The following SESTD1 variants were observed in gnomAD, a reference collection of about 807,000 sequenced individuals.
The protein encoded by SESTD1 is SEC14 and spectrin domain containing 1.
A neutral mutation model predicts 101.7 loss-of-function variants in SESTD1; 43 were observed. That is an observed-to-expected ratio of 0.42 (90% CI 0.33 to 0.55). SESTD1 has a LOEUF of 0.55. SESTD1 is among the 20% of genes least tolerant of loss of function. The pLI, the probability that SESTD1 is intolerant of heterozygous loss-of-function variation, is 0.07. For synonymous variants in SESTD1, 283 were observed against 286.8 expected (o/e 0.99, Z 0.13); for missense variants, 647 against 815.1 (o/e 0.79, Z 2.51).
At position 179,206,884 on chromosome 2, in the gene SESTD1, C is replaced by T. The variant is rs1438507267; in HGVS notation, c.-25-15018G>A. Among the ~76,000 whole-genome samples, 2 of 133,658 alleles carry T rather than the reference C, an allele frequency of 1.5e-5. 1 individual carries two copies. The highest frequency in any genetic ancestry group is 1.5e-4 in the Admixed American group (2 of 13,748). 87.7% of individuals were successfully genotyped at this position (133,658 alleles called of 152,430 possible). ...TGGTGGGGGCAAGGTGGGAGTGAGACTGGCCTTGCTGACTCTATGGGAGCT... is the reference window on the plus strand; with the variant it reads ...TGGTGGGGGCAAGGTGGGAGTGAGATTGGCCTTGCTGACTCTATGGGAGCT... On this transcript the variant is annotated intron_variant, in intron 1 of 17. Coordinates refer to ENST00000428443, the MANE Select transcript of SESTD1 (RefSeq NM_178123.5).
In SESTD1 at chr2:179,103,890, G is replaced by A. The variant is rs551196727; in HGVS notation, c.*6009C>T. 3.3e-5 allele frequency: 5 copies of A among 152,014 alleles called. No individual in the cohort carries two copies. Among genetic ancestry groups the A allele is most frequent in the Non-Finnish European group, 7.4e-5 (5 of 67,998 alleles). 9.4% of individuals were successfully genotyped at this position (152,014 alleles called of 1,614,324 possible). On this transcript the variant is annotated 3_prime_UTR_variant, in exon 18 of 18. Coordinates refer to ENST00000428443, the MANE Select transcript of SESTD1 (RefSeq NM_178123.5). Reference sequence around the variant, plus strand: ...TTGCATGCTAATTTTATGTAAAAAAGCCAACAATGAACTCTAGTTAATGAT... The same window carrying A: ...TTGCATGCTAATTTTATGTAAAAAAACCAACAATGAACTCTAGTTAATGAT...
chr2:179,171,900 T>C (rs1348077798), intron 5 of SESTD1, among the ~76,000 whole-genome samples: 1 of 152,140 alleles, frequency 6.6e-6, no homozygotes, highest in East Asian at 1.9e-4. Context: ...AATGATACAA[T>C]TGAAAATGGA....
intron 1 of SESTD1, among the ~76,000 whole-genome samples, chr2:179,217,088 C>A (rs1227538992): frequency 1.3e-5 from 2 of 152,046 alleles, no homozygotes; most frequent in African/African-American, 4.8e-5. Flanking sequence ...GACTTCATGA[C>A]TAAAACACCA....
intron 16 of SESTD1, among the ~76,000 whole-genome samples, chr2:179,114,420 A>T (rs77337809): frequency 0.055 from 8,434 of 152,266 alleles, 322 homozygotes; most frequent in South Asian, 0.14. Flanking sequence ...CTACATAATA[A>T]AGTTCCTTTT....
At chr2:179,199,317 C>T (rs557857456) in intron 1 of SESTD1, among the ~76,000 whole-genome samples, 5 of 152,058 alleles carry the variant, frequency 3.3e-5, no homozygotes, top group Admixed American at 6.5e-5. Context: ...TATTCAATAG[C>T]TTACCAACCA....
chr2:179,139,793 T>A (rs1445301311), intron 9 of SESTD1, among the ~76,000 whole-genome samples: 1 of 152,036 alleles, frequency 6.6e-6, no homozygotes, highest in African/African-American at 2.4e-5. Flanking sequence ...ACAACCCCAA[T>A]TTTCCAGCCC....
chr2:179,124,015 C>T (rs2044812662), intron 11 of SESTD1, among the ~76,000 whole-genome samples, 186 bp from the exon 12 acceptor site: 1 of 152,058 alleles, frequency 6.6e-6, no homozygotes, highest in African/African-American at 2.4e-5. Flanking sequence ...GATGCATGCA[C>T]CAGGAAGACA....
chr2:179,240,790 C>T (rs758993206), intron 1 of SESTD1, among the ~76,000 whole-genome samples: 2 of 152,040 alleles, frequency 1.3e-5, no homozygotes, highest in African/African-American at 4.8e-5. Context: ...TGAGAGAAAG[C>T]CAAGTAGGGA....
At chr2:179,199,484 C>A (rs1487068951) in intron 1 of SESTD1, among the ~76,000 whole-genome samples, 1 of 152,160 alleles carries the variant, frequency 6.6e-6, no homozygotes, top group South Asian at 2.1e-4. Flanking sequence ...ATACCAAAGC[C>A]AGGCAGAGAC....
chr2:179,116,935 G>GATAATT, intron 14 of SESTD1, 145 bp from the exon 15 acceptor site: 1 of 1,129,484 alleles, frequency 8.9e-7, no homozygotes, highest in Non-Finnish European at 1.2e-6. Flanking sequence ...TTCATTCAAT[G>GATAATT]ATAAGCTACA....
chr2:179,113,856 A>G (rs2044567582), intron 16 of SESTD1, among the ~76,000 whole-genome samples: 1 of 144,344 alleles, frequency 6.9e-6, no homozygotes, highest in Admixed American at 6.8e-5. Context: ...ACAGAGTGAG[A>G]CTCTGTCTCA....
Position 179,213,376 on chromosome 2 carries a change from A to C in SESTD1, c.-25-21510T>G, listed in dbSNP as rs1263370304. Among the ~76,000 whole-genome samples, 2 of 135,162 alleles carry C rather than the reference A, an allele frequency of 1.5e-5. 1 individual carries two copies. The highest frequency in any genetic ancestry group is 5.8e-5 in the African/African-American group (2 of 34,190). 88.7% of individuals were successfully genotyped at this position (135,162 alleles called of 152,430 possible). A position where few individuals can be genotyped will look rare whatever the true frequency, so the allele number is the denominator to read the frequency against. On this transcript the variant is annotated intron_variant, in intron 1 of 17. Transcript: ENST00000428443. ...GGCACAAGCTTCAATAGCCGATTCG[A>C]TCAAGTGGAAGAAAGGATATCAGTG...
intron 1 of SESTD1, among the ~76,000 whole-genome samples, chr2:179,258,563 C>A (rs1039694744): frequency 1.3e-5 from 2 of 152,326 alleles, no homozygotes; most frequent in Admixed American, 1.3e-4. Flanking sequence ...TGCAAATCTA[C>A]TAGAAGGCAA....
intron 1 of SESTD1, among the ~76,000 whole-genome samples, chr2:179,263,220 T>C (rs2047507405): frequency 6.6e-6 from 1 of 152,170 alleles, no homozygotes; most frequent in Non-Finnish European, 1.5e-5. Flanking sequence ...TATAAAAGCT[T>C]CCTGGTCCTA....
intron 8 of SESTD1, among the ~76,000 whole-genome samples, chr2:179,144,270 A>G (rs1236414149): frequency 6.6e-6 from 1 of 152,100 alleles, no homozygotes; most frequent in Non-Finnish European, 1.5e-5. Flanking sequence ...GGATTTCAGT[A>G]TTAATCCATA....
At chr2:179,238,877 G>A (rs1424910740) in intron 1 of SESTD1, among the ~76,000 whole-genome samples, 1 of 151,828 alleles carries the variant, frequency 6.6e-6, no homozygotes, top group Non-Finnish European at 1.5e-5. Flanking sequence ...CCTCTGCCTT[G>A]CCCTCGTTTT....
intron 1 of SESTD1, chr2:179,264,199 G>C (rs1227794181): frequency 6.6e-6 from 1 of 152,122 alleles, no homozygotes; most frequent in Non-Finnish European, 1.5e-5. Flanking sequence ...CGGTCTCTGC[G>C]GGCCGCGGCC....
chr2:179,203,581 G>A (rs866587383), intron 1 of SESTD1, among the ~76,000 whole-genome samples: 1 of 134,590 alleles, frequency 7.4e-6, no homozygotes, highest in Non-Finnish European at 1.6e-5. Context: ...GGCTGCTCCT[G>A]AGTTGTATCC....
intron 14 of SESTD1, among the ~76,000 whole-genome samples, 155 bp from the exon 15 acceptor site, chr2:179,116,945 A>G (rs116814102): frequency 0.01 from 1,535 of 152,286 alleles, 23 homozygotes; most frequent in African/African-American, 0.035. Context: ...GATAAGCTAC[A>G]TGAATTAATG....
Sources: allele counts gnomAD v4.1 joint callset (sites outside exome capture counted in the v4.1 genomes callset), GRCh38; gene constraint gnomAD v4.1.1; transcripts MANE v1.5; gene names NCBI Gene and HGNC (gene_info 2026-07-23, HGNC 2026-07-21).